Variants in SYK observed in about 807,000 individuals in gnomAD.
SYK encodes the protein spleen associated tyrosine kinase.
Under a neutral mutation model 77.8 loss-of-function variants are expected in SYK, and 16 were observed. The ratio of observed to expected loss-of-function variants is 0.21; its 90% confidence interval spans 0.14 to 0.31. SYK has a LOEUF of 0.31. SYK is among the 10% of genes least tolerant of loss of function. The pLI, the probability that SYK is intolerant of heterozygous loss-of-function variation, is 1.00. For synonymous variants in SYK, 312 were observed against 308.7 expected, an observed-to-expected ratio of 1.01 and a Z score of -0.11; for missense variants, 529 against 814.4, an observed-to-expected ratio of 0.65 and a Z score of 4.26.
intron 13 of SYK, among the ~76,000 whole-genome samples, chr9:90,888,830 G>A (rs1202231297): frequency 1.3e-5 from 2 of 152,212 alleles, no homozygotes; most frequent in Non-Finnish European, 2.9e-5. Context: ...AGCCTAAAGA[G>A]CAAGTTTAGA....
chr9:90,831,145 A>T (rs778034398), intron 1 of SYK, among the ~76,000 whole-genome samples: 3 of 152,102 alleles, frequency 2.0e-5, no homozygotes, highest in African/African-American at 4.8e-5. Flanking sequence ...TATTTCCCCC[A>T]CTGTCTCTGT....
rs766377737 is a variant in SYK at position 90,887,722 on chromosome 9, GA to G, written c.1582-25del. On this transcript the variant is annotated intron_variant, in intron 11 of 13. Coordinates refer to ENST00000375754, the MANE Select transcript of SYK (RefSeq NM_003177.7). ...CCGGCCCACAATTTTATTCTTAATG[GA>G]ATTTCTCCCTCTGCTTTGCTTTTAG... 2.5e-6 allele frequency: 4 copies of G among 1,580,460 alleles called. No homozygotes were observed. In the South Asian group the frequency reaches 3.4e-5, roughly 14 times the overall value.
At chr9:90,849,549 AT>A (rs1344102077) in intron 3 of SYK, among the ~76,000 whole-genome samples, 1 of 152,124 alleles carries the variant, frequency 6.6e-6, no homozygotes, top group Admixed American at 6.5e-5. Flanking sequence ...GGGAATGGGG[AT>A]TCTTGCACCT....
intron 1 of SYK, among the ~76,000 whole-genome samples, chr9:90,842,775 G>T (rs917078075): frequency 2.2e-4 from 26 of 116,442 alleles, no homozygotes; most frequent in African/African-American, 6.5e-4. Flanking sequence ...GTGTGTGTGT[G>T]TGTGTGTGTG....
chr9:90,885,626 G>A (rs563068506), intron 11 of SYK, among the ~76,000 whole-genome samples: 166 of 152,292 alleles, frequency 1.1e-3, no homozygotes, highest in African/African-American at 3.8e-3. Flanking sequence ...TGAAATATTA[G>A]ATCAAAACTT....
chr9:90,855,744 T>A (rs1827015173), intron 3 of SYK, among the ~76,000 whole-genome samples: 1 of 151,454 alleles, frequency 6.6e-6, no homozygotes, highest in African/African-American at 2.4e-5. Flanking sequence ...GAAAGAACCA[T>A]CTGGAGGGCT....
At chr9:90,806,298 A>G (rs578115405) in intron 1 of SYK, among the ~76,000 whole-genome samples, 4 of 151,640 alleles carry the variant, frequency 2.6e-5, no homozygotes, top group South Asian at 2.1e-4. Context: ...AGAACCCTCC[A>G]TCTTCTTCTT....
chr9:90,884,400 C>CGT (rs1554714467), intron 11 of SYK, among the ~76,000 whole-genome samples: 1 of 57,724 alleles, frequency 1.7e-5, no homozygotes, highest in South Asian at 4.1e-4. Flanking sequence ...CATACATACA[C>CGT]ATATGTGTAT....
At chr9:90,848,191 G>A (rs1429898981) in intron 3 of SYK, among the ~76,000 whole-genome samples, 4 of 152,128 alleles carry the variant, frequency 2.6e-5, no homozygotes, top group Non-Finnish European at 5.9e-5. Context: ...TGAATACAAC[G>A]TCTCCCAAGT....
intron 1 of SYK, among the ~76,000 whole-genome samples, chr9:90,812,703 G>A (rs989164334): frequency 2.0e-5 from 3 of 151,902 alleles, no homozygotes; most frequent in Non-Finnish European, 4.4e-5. Flanking sequence ...TGACTGCAAA[G>A]ACACTGGGCA....
rs1305671746 is a variant in SYK at position 90,884,228 on chromosome 9, T to C, written c.1582-3521T>C. ...GTGTATATATACACGCATATACACATACACATACGTGTATATATACACATA... is the reference window on the plus strand; with the variant it reads ...GTGTATATATACACGCATATACACACACACATACGTGTATATATACACATA... On this transcript the variant is annotated intron_variant, in intron 11 of 13. Coordinates refer to ENST00000375754, the MANE Select transcript of SYK (RefSeq NM_003177.7). Among the ~76,000 whole-genome samples, 2 of 150,348 alleles carry C rather than the reference T, an allele frequency of 1.3e-5. 1 individual carries two copies. Among genetic ancestry groups the C allele is most frequent in the African/African-American group, 4.9e-5 (2 of 40,762 alleles).
At chr9:90,826,144 G>A (rs1056864709) in intron 1 of SYK, among the ~76,000 whole-genome samples, 4 of 152,224 alleles carry the variant, frequency 2.6e-5, no homozygotes, top group African/African-American at 9.6e-5. Context: ...TGGATGGGTT[G>A]ACTATGAGGG....
rs865838675 is a variant in SYK, at chr9:90,865,991, C to T, written c.846+894C>T. 6.6e-4 allele frequency among the ~76,000 whole-genome samples: 97 copies of T among 147,264 alleles called. 3 individuals are homozygous for T. The highest frequency in any genetic ancestry group is 2.3e-3 in the African/African-American group (91 of 40,284). On this transcript the variant is annotated intron_variant, in intron 6 of 13. Coordinates refer to ENST00000375754, the MANE Select transcript of SYK (RefSeq NM_003177.7). The stretch of plus-strand genomic sequence containing the variant: ...TCAGCTCACTGCAAGCTCTGCCTCC[C>T]GGGTTCACGCCATTCTCCTGCCTCA...
At chr9:90,802,224 G>C (rs940708014) in intron 1 of SYK, among the ~76,000 whole-genome samples, 2 of 152,190 alleles carry the variant, frequency 1.3e-5, no homozygotes, top group Non-Finnish European at 2.9e-5. Context: ...CCGGCCCTCG[G>C]GAGACGCGGG....
intron 3 of SYK, among the ~76,000 whole-genome samples, chr9:90,846,753 A>T (rs1564091180): frequency 6.6e-6 from 1 of 150,780 alleles, no homozygotes; most frequent in African/African-American, 2.4e-5. Flanking sequence ...GCCACGCGGC[A>T]GTGCCTAGAG....
At chr9:90,860,742 T>G (rs775816911) in intron 3 of SYK, among the ~76,000 whole-genome samples, 2 of 152,118 alleles carry the variant, frequency 1.3e-5, no homozygotes, top group African/African-American at 4.8e-5. Flanking sequence ...AGCTTTCAAG[T>G]CTTGGGTTAG....
intron 1 of SYK, among the ~76,000 whole-genome samples, chr9:90,812,963 A>G (rs952134622): frequency 2.0e-5 from 3 of 152,196 alleles, no homozygotes; most frequent in Non-Finnish European, 4.4e-5. Context: ...ATGCACATGA[A>G]ATAATTCTCA....
chr9:90,878,157 T>A (rs1265414803), intron 10 of SYK, among the ~76,000 whole-genome samples: 1 of 152,240 alleles, frequency 6.6e-6, no homozygotes, highest in Non-Finnish European at 1.5e-5. Context: ...AGGTGACAGT[T>A]AAGTCTTATC....
At chr9:90,835,969 G>A (rs556129290) in intron 1 of SYK, among the ~76,000 whole-genome samples, 29 of 152,214 alleles carry the variant, frequency 1.9e-4, no homozygotes, top group Middle Eastern at 6.8e-3. Context: ...TTAAAAACTT[G>A]CAGATGAACT....
Sources: gnomAD v4.1 joint callset for allele counts (sites outside exome capture counted in the v4.1 genomes callset) on GRCh38, gnomAD v4.1.1 for gene constraint, MANE v1.5 for transcripts, NCBI Gene and HGNC (gene_info 2026-07-23, HGNC 2026-07-21) for gene names.